Variants in GRHL3 observed in about 807,000 individuals in gnomAD.
The protein encoded by GRHL3 is grainyhead like transcription factor 3.
GRHL3 carries 20 observed loss-of-function variants against 70.3 expected under a neutral mutation model. The observed-to-expected ratio is 0.28, with a 90% CI of 0.20 to 0.41. GRHL3 has a LOEUF of 0.41. Ranked by LOEUF, GRHL3 falls within the 10% of genes least tolerant of loss-of-function variation. The pLI is 1.00. For missense variants in GRHL3, 637 were observed against 762.3 expected (o/e 0.84, Z 1.94); for synonymous variants, 299 against 299.9 (o/e 1.00, Z 0.03).
chr1:24,325,066 A>G (rs548595587), intron 1 of GRHL3, among the ~76,000 whole-genome samples: 96 of 144,508 alleles, frequency 6.6e-4, no homozygotes, highest in Middle Eastern at 6.8e-3. Flanking sequence ...CAGTTGTGTC[A>G]GGGCCTCCCT....
At chr1:24,364,132 C>G (rs1641295124) in intron 15 of GRHL3, 1 of 1,468,570 alleles carries the variant, frequency 6.8e-7, no homozygotes, top group Non-Finnish European at 9.1e-7. Context: ...TGAGAAACAC[C>G]AACTTTCCCT....
At chr1:24,347,390 G>A (rs760439903) in intron 13 of GRHL3, 78 bp from the exon 14 acceptor site, 160 of 1,279,692 alleles carry the variant, frequency 1.3e-4, no homozygotes, top group Non-Finnish European at 1.6e-4. Flanking sequence ...TTCAAGTAAC[G>A]TTTTCAGATT....
At chr1:24,327,452 G>C (rs1639438020) in intron 1 of GRHL3, among the ~76,000 whole-genome samples, 1 of 152,096 alleles carries the variant, frequency 6.6e-6, no homozygotes. Flanking sequence ...GAAATAGAAG[G>C]GCTAAGTGCC....
At position 24,329,793 on chromosome 1, in the gene GRHL3, G is replaced by C. The variant is rs150810308; in HGVS notation, c.18-1633G>C. ...CACTGGGAAACCAGGAGACCAGCCA[G>C]TGCCCACTTCATCTCTGGGGCTCTC... On this transcript the variant is annotated intron_variant, in intron 1 of 15. Transcript: ENST00000361548. 7.2e-5 allele frequency among the ~76,000 whole-genome samples: 11 copies of C among 152,344 alleles called. No individual in the cohort carries two copies. In the East Asian group the frequency reaches 2.1e-3, roughly 29 times the overall value.
At chr1:24,362,591 T>C (rs1641193973) in intron 15 of GRHL3, among the ~76,000 whole-genome samples, 1 of 152,222 alleles carries the variant, frequency 6.6e-6, no homozygotes, top group South Asian at 2.1e-4. Flanking sequence ...CAGCACATAG[T>C]AGGTGCTCAA....
Position 24,337,715 on chromosome 1 carries a change from G to A in GRHL3, c.766G>A (p.Gly256Ser). The stretch of plus-strand genomic sequence containing the variant: ...GTCACCCATGGCCTACCTCAACAAA[G>A]GCCAGTTCTACCCCGTCACCCTGCG... The part of the protein sequence containing the change: ...GESPMAYLNK[G>S]QFYPVTLRTP... Residue 256 changes from glycine to serine, a missense_variant, in exon 6 of 16, where the codon GGC (glycine) becomes AGC (serine). By Grantham distance (56) the Gly-to-Ser change is moderately conservative. Transcript: ENST00000361548. 6.2e-7 allele frequency: 1 copy of A among 1,614,166 alleles called. No individual in the cohort carries two copies. The highest frequency in any genetic ancestry group is 8.5e-7 in the Non-Finnish European group (1 of 1,180,032).
At chr1:24,344,487 A>G (rs1640168449) in intron 11 of GRHL3, among the ~76,000 whole-genome samples, 3 of 29,576 alleles carry the variant, frequency 1.0e-4, no homozygotes, top group African/African-American at 2.4e-4. Context: ...TCCCCCCAGA[A>G]AAAAAAAAAA....
Position 24,337,641 on chromosome 1 carries a change from T to A in GRHL3, c.692T>A (p.Phe231Tyr). The A allele has an allele frequency of 6.2e-7, 1 of 1,614,076 alleles. No individual in the cohort carries two copies. The highest frequency in any genetic ancestry group is 8.5e-7 in the Non-Finnish European group (1 of 1,179,988). Residue 231 changes from phenylalanine (F) to tyrosine (Y), a missense_variant, in exon 6 of 16, where the codon TTT becomes TAT. By Grantham distance (22) the Phe-to-Tyr change is conservative (BLOSUM62 3). This residue lies in a region of GRHL3 where 387 missense variants were observed against 513.8 expected (regional missense o/e 0.75). Coordinates refer to ENST00000361548, the MANE Select transcript of GRHL3 (RefSeq NM_198173.3). ...CCTCTCCCTCCTCCCTGCAGTGACT[T>A]TGAATACACCCTGGGCTCCCCCAAA... ...PEDYPSLKSDFEYTLGSPKAI... is the reference protein window; with the variant it reads ...PEDYPSLKSDYEYTLGSPKAI...
At position 24,322,988 on chromosome 1, in the gene GRHL3, C is replaced by A; in HGVS notation, c.17+3420C>A. The A allele has an allele frequency of 8.9e-7, 1 of 1,122,354 alleles. No individual in the cohort carries two copies. The highest frequency in any genetic ancestry group is 2.6e-5 in the East Asian group (1 of 38,834). The allele number at this position is 1,122,354 out of a possible 1,614,324, so 69.5% of individuals were successfully genotyped here. ...GGATCTTAACCGGGTCTTAGCCGAG[C>A]AGCCATAGGCCACCCCGCTTCCTCT... is the stretch of plus-strand genomic sequence containing the variant. On this transcript the variant is annotated intron_variant, in intron 1 of 15. Coordinates refer to ENST00000361548, the MANE Select transcript of GRHL3 (RefSeq NM_198173.3). This position sits in a 1 kb window ranked among gnomAD's most constrained non-coding sequence, Gnocchi z 4.4.
chr1:24,342,382 T>C lies in GRHL3; in HGVS notation c.1206+109T>C. The C allele has an allele frequency of 1.1e-6, 1 of 915,450 alleles. No homozygotes were observed. The highest frequency in any genetic ancestry group is 1.7e-6 in the Non-Finnish European group (1 of 599,498). 56.7% of individuals were successfully genotyped at this position (915,450 alleles called of 1,614,324 possible). A position where few individuals can be genotyped will look rare whatever the true frequency, so the allele number is the denominator to read the frequency against. Reference sequence around the variant, plus strand: ...TGGGTTGTCTGTCTCTCTCTGTTTTTCTATCCCTTCTCCTCCTTCCCCTCT... The same window carrying C: ...TGGGTTGTCTGTCTCTCTCTGTTTTCCTATCCCTTCTCCTCCTTCCCCTCT... On this transcript the variant is annotated intron_variant, in intron 9 of 15. Coordinates refer to ENST00000361548, the MANE Select transcript of GRHL3 (RefSeq NM_198173.3). This position sits in a 1 kb window ranked among gnomAD's most constrained non-coding sequence, Gnocchi z 4.8.
At chr1:24,344,424 G>C (rs575592987) in intron 11 of GRHL3, among the ~76,000 whole-genome samples, 1 of 148,704 alleles carries the variant, frequency 6.7e-6, no homozygotes, top group Admixed American at 6.8e-5. Flanking sequence ...CCAGGAGGTC[G>C]AGGCTGCAGT....
At chr1:24,326,734 C>G (rs1477646728) in intron 1 of GRHL3, among the ~76,000 whole-genome samples, 3 of 152,154 alleles carry the variant, frequency 2.0e-5, no homozygotes, top group Non-Finnish European at 4.4e-5. Context: ...CTCCTACATC[C>G]CTTCTTGGAA....
intron 1 of GRHL3, 58 bp from the exon 2 acceptor site, chr1:24,331,368 C>G: frequency 1.4e-6 from 2 of 1,480,070 alleles, no homozygotes; most frequent in Non-Finnish European, 1.8e-6. Context: ...CTGCGGCTGC[C>G]CATTCACGGA....
chr1:24,341,259 C>T (rs1557699752), intron 8 of GRHL3, among the ~76,000 whole-genome samples: 1 of 152,178 alleles, frequency 6.6e-6, no homozygotes, highest in East Asian at 1.9e-4. Flanking sequence ...CCAGCTGTCC[C>T]TCTCATGGCA....
chr1:24,344,725 C>A (rs1640177284), intron 11 of GRHL3, among the ~76,000 whole-genome samples, 172 bp from the exon 12 acceptor site: 1 of 151,968 alleles, frequency 6.6e-6, no homozygotes, highest in Non-Finnish European at 1.5e-5. Flanking sequence ...TTCCACTCAA[C>A]ATCTCAGGTC....
chr1:24,360,757 A>C (rs557233910), intron 15 of GRHL3: 289 of 1,169,460 alleles, frequency 2.5e-4, no homozygotes, highest in Non-Finnish European at 3.2e-4. Flanking sequence ...CTATTTGGGA[A>C]ACAACCTATA....
rs1373800510 is a variant in GRHL3 at position 24,350,064 on chromosome 1, G to A, written c.1636G>A (p.Glu546Lys). The A allele has an allele frequency of 6.2e-7, 1 of 1,613,092 alleles. No homozygotes were observed. Among genetic ancestry groups the A allele is most frequent in the Admixed American group, 1.7e-5 (1 of 59,970 alleles). ...DLKGLRNAIS[E>K]KYGFPEENIY... ...ACCTGTCTTTTCCTTCCAGATCTCT[G>A]AGAAGTATGGGTTCCCTGAAGAGAA... is the stretch of plus-strand genomic sequence containing the variant. Residue 546 changes from glutamate to lysine, a missense_variant, in exon 15 of 16, where the codon GAG becomes AAG. Glu to Lys is a moderately conservative substitution (Grantham distance 56). Transcript: ENST00000361548.
In GRHL3 at chr1:24,343,015, G is replaced by A. The variant is rs886042936; in HGVS notation, c.1409G>A (p.Arg470His). ...AATGTGCACTTCTCCAGCCTGCAGC[G>A]CTCTGGAGGGGTGAGGCCAGGGCTG... is the stretch of plus-strand genomic sequence containing the variant. ...IPNVHFSSLQ[R>H]SGGAAPSAGP... Residue 470 changes from arginine (R) to histidine (H), a missense_variant, in exon 11 of 16, where the codon CGC becomes CAC. Around this residue, in one of 2 missense-constraint regions of GRHL3, gnomAD observed 387 missense variants for 513.8 expected, o/e 0.75. Transcript: ENST00000361548. The A allele has an allele frequency of 1.5e-5, 25 of 1,613,928 alleles. No individual in the cohort carries two copies. Among genetic ancestry groups the A allele is most frequent in the Admixed American group, 3.3e-5 (2 of 60,002 alleles).
At chr1:24,348,004 G>GC (rs1289015269) in intron 14 of GRHL3, among the ~76,000 whole-genome samples, 2 of 152,210 alleles carry the variant, frequency 1.3e-5, no homozygotes, top group East Asian at 3.9e-4. Flanking sequence ...ACCTTCCCCA[G>GC]CCCCCCACAC....
Sources: gnomAD v4.1 joint callset for allele counts (sites outside exome capture counted in the v4.1 genomes callset) on GRCh38, gnomAD v4.1.1 for gene constraint, gnomAD v4.1.1 regional missense constraint, Gnocchi (gnomAD v3.1) non-coding constraint, MANE v1.5 for transcripts, NCBI Gene and HGNC (gene_info 2026-07-23, HGNC 2026-07-21) for gene names.